ODAD2: variants seen among roughly 807,000 people sequenced by gnomAD.
ODAD2 encodes outer dynein arm-docking complex subunit 2.
ODAD2 carries 89 observed loss-of-function variants against 106.8 expected under a neutral mutation model. The ratio of observed to expected loss-of-function variants is 0.83; its 90% CI spans 0.70 to 0.99. ODAD2 has a LOEUF of 0.99. ODAD2 is among the 50% of genes least tolerant of loss of function. The pLI is 0.00. For synonymous variants in ODAD2, 404 were observed against 436.2 expected, an observed-to-expected ratio of 0.93 and a Z score of 0.92; for missense variants, 1,168 against 1,238.5, an observed-to-expected ratio of 0.94 and a Z score of 0.85.
Position 27,812,399 on chromosome 10 carries a change from A to T in ODAD2, c.*113T>A. 2 of 900,658 alleles carry T rather than the reference A, an allele frequency of 2.2e-6. No individual in the cohort carries two copies. The highest frequency in any genetic ancestry group is 3.3e-6 in the Non-Finnish European group (2 of 598,718). 55.8% of individuals were successfully genotyped at this position (900,658 alleles called of 1,614,324 possible). Reference sequence around the variant, plus strand: ...ATTTTCAATTTGTGTGTTTTCATTTAGATGGTTGAAAGGGTTTGCTAACAA... The same window carrying T: ...ATTTTCAATTTGTGTGTTTTCATTTTGATGGTTGAAAGGGTTTGCTAACAA... On this transcript the variant is annotated 3_prime_UTR_variant, in exon 20 of 20. Transcript: ENST00000305242.
In ODAD2 at chr10:27,857,644, A is replaced by G. The variant is rs575313567; in HGVS notation, c.3021+2981T>C. On this transcript the variant is annotated intron_variant, in intron 19 of 19. Transcript: ENST00000305242. ...CAAACTGACTATTCAAACTGAACAC[A>G]TTAGAAACTGAACTCATTATATTTC... is the stretch of plus-strand genomic sequence containing the variant. 1.4e-4 allele frequency among the ~76,000 whole-genome samples: 22 copies of G among 152,346 alleles called. No homozygotes were observed. In the South Asian group the frequency reaches 4.1e-3, roughly 29 times the overall value.
intron 19 of ODAD2, among the ~76,000 whole-genome samples, chr10:27,845,158 G>A (rs1414622310): frequency 6.6e-6 from 1 of 152,116 alleles, no homozygotes; most frequent in Non-Finnish European, 1.5e-5. Flanking sequence ...AAAATGTTAA[G>A]TGCAGCCAGA....
intron 10 of ODAD2, among the ~76,000 whole-genome samples, chr10:27,955,340 G>T (rs1451116155): frequency 6.6e-6 from 1 of 151,936 alleles, no homozygotes; most frequent in Admixed American, 6.6e-5. Context: ...ACTCTCACTC[G>T]AATGAAGAAA....
At chr10:27,940,310 T>A (rs1180520807) in intron 13 of ODAD2, among the ~76,000 whole-genome samples, 1 of 151,906 alleles carries the variant, frequency 6.6e-6, no homozygotes, top group Non-Finnish European at 1.5e-5. Flanking sequence ...TATATATAAA[T>A]GTCAGCATAT....
At chr10:27,923,925 TAGAG>T (rs1332451768) in intron 16 of ODAD2, among the ~76,000 whole-genome samples, 5 of 132,496 alleles carry the variant, frequency 3.8e-5, no homozygotes, top group East Asian at 4.5e-4. Context: ...TTCCAGGTGA[TAGAG>T]AGAGACCCTG....
intron 16 of ODAD2, among the ~76,000 whole-genome samples, chr10:27,919,981 C>T (rs2133952572): frequency 6.6e-6 from 1 of 152,154 alleles, no homozygotes; most frequent in African/African-American, 2.4e-5. Flanking sequence ...ACACTCTATG[C>T]TTTCATTCAG....
chr10:27,841,460 A>T (rs537789122), intron 19 of ODAD2, among the ~76,000 whole-genome samples: 47 of 150,692 alleles, frequency 3.1e-4, no homozygotes, highest in African/African-American at 1.1e-3. Flanking sequence ...CAGTGGTGCG[A>T]TCTCAGCTCA....
At chr10:27,918,916 A>G (rs1844582469) in intron 16 of ODAD2, among the ~76,000 whole-genome samples, 1 of 151,752 alleles carries the variant, frequency 6.6e-6, no homozygotes, top group Non-Finnish European at 1.5e-5. Context: ...TGTAAAAAAA[A>G]AAACTGGAAA....
chr10:27,941,357 T>C (rs2132586850), intron 12 of ODAD2, among the ~76,000 whole-genome samples: 1 of 150,518 alleles, frequency 6.6e-6, no homozygotes, highest in Non-Finnish European at 1.5e-5. Flanking sequence ...TGGTGGTGCA[T>C]GTGTGTAGTC....
intron 1 of ODAD2, among the ~76,000 whole-genome samples, chr10:27,996,408 G>A (rs1171795847): frequency 6.6e-6 from 1 of 152,168 alleles, no homozygotes; most frequent in African/African-American, 2.4e-5. Context: ...TGCTGATAAA[G>A]AGTATAGAAA....
intron 9 of ODAD2, among the ~76,000 whole-genome samples, chr10:27,964,601 T>A (rs117119035): frequency 3.3e-5 from 5 of 152,324 alleles, no homozygotes; most frequent in South Asian, 4.1e-4. Flanking sequence ...TTTTGAAGAT[T>A]TGATCTGTTT....
chr10:27,963,668 T>A (rs1209992364), intron 9 of ODAD2, among the ~76,000 whole-genome samples: 4 of 148,402 alleles, frequency 2.7e-5, no homozygotes, highest in Non-Finnish European at 4.4e-5. Context: ...TTAATTCCTC[T>A]CATTCAGTGT....
intron 10 of ODAD2, among the ~76,000 whole-genome samples, chr10:27,950,820 A>C (rs904967852): frequency 6.6e-6 from 1 of 152,182 alleles, no homozygotes; most frequent in African/African-American, 2.4e-5. Context: ...TGTTCTAGTC[A>C]TTGCAATGCA....
At chr10:27,991,601 AC>A (rs1435711119) in intron 2 of ODAD2, among the ~76,000 whole-genome samples, 1 of 152,210 alleles carries the variant, frequency 6.6e-6, no homozygotes, top group Non-Finnish European at 1.5e-5. Context: ...ATCAATGTCC[AC>A]AGAGACCAAC....
intron 19 of ODAD2, among the ~76,000 whole-genome samples, chr10:27,859,959 G>C (rs1010773564): frequency 6.6e-6 from 1 of 152,102 alleles, no homozygotes; most frequent in African/African-American, 2.4e-5. Flanking sequence ...TGGTGCCTAT[G>C]GTTGCCTCTA....
chr10:27,850,444 C>CAAAAAA (rs10713871), intron 19 of ODAD2, among the ~76,000 whole-genome samples: 7 of 89,580 alleles, frequency 7.8e-5, no homozygotes, highest in Non-Finnish European at 1.1e-4. Flanking sequence ...GACTCCGTCT[C>CAAAAAA]AAAAAAAAAA....
intron 17 of ODAD2, among the ~76,000 whole-genome samples, chr10:27,885,579 A>AT (rs1842059691): frequency 3.3e-5 from 2 of 60,666 alleles, no homozygotes; most frequent in Non-Finnish European, 6.0e-5. Flanking sequence ...TATATATATA[A>AT]ATATATAAAT....
chr10:27,998,922 TC>T, intron 1 of ODAD2, 71 bp downstream of exon 1: 1 of 149,172 alleles, frequency 6.7e-6, no homozygotes, highest in Non-Finnish European at 1.5e-5. Flanking sequence ...GCCCGTGCCC[TC>T]CCCCGGGCGC....
chr10:27,940,430 T>G (rs537982087), intron 13 of ODAD2, 133 bp downstream of exon 13: 12 of 1,033,012 alleles, frequency 1.2e-5, no homozygotes, highest in Non-Finnish European at 1.7e-5. Flanking sequence ...ATCAGTTGGA[T>G]CTTCTCTTTC....
Sources: allele counts gnomAD v4.1 joint callset (sites outside exome capture counted in the v4.1 genomes callset), GRCh38; gene constraint gnomAD v4.1.1; transcripts MANE v1.5; gene names NCBI Gene and HGNC (gene_info 2026-07-23, HGNC 2026-07-21).